SGCD: variants seen among roughly 807,000 people sequenced by gnomAD.
SGCD encodes delta-sarcoglycan.
In SGCD, 18 loss-of-function variants were observed where a neutral mutation model predicts 36.6. That is an observed-to-expected ratio of 0.49 (90% CI 0.34 to 0.73). The LOEUF is 0.73. Among genes scored for constraint, SGCD ranks in the 30% least tolerant of loss-of-function variants. SGCD has a pLI of 0.01. For missense variants in SGCD, 387 were observed against 346.7 expected (o/e 1.12, Z -0.92); for synonymous variants, 133 against 130.6 (o/e 1.02, Z -0.12).
intron 3 of SGCD, among the ~76,000 whole-genome samples, chr5:156,423,429 A>ATATAATATATTTATTTTATTAT (rs1561686121): frequency 3.2e-5 from 3 of 92,336 alleles, no homozygotes; most frequent in South Asian, 6.0e-4. Flanking sequence ...TATTTTAATA[A>ATATAATATATTTATTTTATTAT]AATATAATAT....
At chr5:156,653,838 C>T (rs1000991477) in intron 7 of SGCD, among the ~76,000 whole-genome samples, 1 of 152,078 alleles carries the variant, frequency 6.6e-6, no homozygotes, top group Admixed American at 6.6e-5. Flanking sequence ...CACATTCACA[C>T]TGCTATGTCT....
chr5:155,987,851 C>T (rs181759117), intron 1 of SGCD, among the ~76,000 whole-genome samples: 8 of 152,142 alleles, frequency 5.3e-5, no homozygotes, highest in Non-Finnish European at 8.8e-5. Context: ...CACACTACAC[C>T]CTTCCCTCAT....
At chr5:156,614,250 T>C (rs1761942875) in intron 6 of SGCD, among the ~76,000 whole-genome samples, 1 of 152,184 alleles carries the variant, frequency 6.6e-6, no homozygotes, top group South Asian at 2.1e-4. Context: ...CAGCCAGGCT[T>C]ATTACTTTCA....
At chr5:155,760,019 A>G in the SGCD span, among the ~76,000 whole-genome samples, 1 of 29,152 alleles carries the variant, frequency 3.4e-5, no homozygotes, top group South Asian at 1.9e-3. Context: ...TATCCTCACC[A>G]TCATCATAAT....
At chr5:156,083,596 A>ATT (rs60479128) in intron 1 of SGCD, among the ~76,000 whole-genome samples, 1 of 135,322 alleles carries the variant, frequency 7.4e-6, no homozygotes, top group African/African-American at 2.6e-5. Context: ...CACCCGGCCC[A>ATT]TTTTTTTTTT....
At chr5:156,609,675 G>A (rs1247680648) in intron 6 of SGCD, among the ~76,000 whole-genome samples, 3 of 152,146 alleles carry the variant, frequency 2.0e-5, no homozygotes, top group Non-Finnish European at 4.4e-5. Context: ...GTCACTTTCA[G>A]GTACACCAAT....
At chr5:155,918,432 G>A (rs1021895330) in intron 1 of SGCD, among the ~76,000 whole-genome samples, 3 of 152,090 alleles carry the variant, frequency 2.0e-5, no homozygotes, top group Non-Finnish European at 4.4e-5. Flanking sequence ...CCATGGTGCT[G>A]GGCATCTGTA....
chr5:155,922,399 A>C (rs1408117363), intron 1 of SGCD, among the ~76,000 whole-genome samples: 1 of 152,184 alleles, frequency 6.6e-6, no homozygotes, highest in Non-Finnish European at 1.5e-5. Context: ...TATTCCTCAC[A>C]CTTGAGTTTC....
chr5:155,890,638 T>A lies in SGCD; in HGVS notation c.-282+20214T>A, dbSNP rs200025443. 1.4e-3 allele frequency among the ~76,000 whole-genome samples: 202 copies of A among 143,546 alleles called. 2 individuals carry two copies. The highest frequency in any genetic ancestry group is 0.01 in the East Asian group (49 of 4,830). 94.2% of individuals were successfully genotyped at this position (143,546 alleles called of 152,430 possible). ...ATAGGTAGGTAAGTAGATAGACAGA[T>A]GATAGATAGATAGATAGATAGATAG... is the stretch of plus-strand genomic sequence containing the variant. On this transcript the variant is annotated intron_variant, in intron 1 of 9. Transcript: ENST00000517913.
the SGCD span, among the ~76,000 whole-genome samples, chr5:155,786,649 C>T: frequency 1.4e-4 from 21 of 152,252 alleles, no homozygotes; most frequent in Middle Eastern, 3.4e-3. Flanking sequence ...GGACCACCAT[C>T]GCTTCTCTTA....
intron 1 of SGCD, among the ~76,000 whole-genome samples, chr5:156,002,148 G>C (rs934215928): frequency 6.6e-6 from 1 of 152,124 alleles, no homozygotes; most frequent in Non-Finnish European, 1.5e-5. Context: ...CTTTAAAGAG[G>C]TAATTTAGTT....
intron 4 of SGCD, among the ~76,000 whole-genome samples, chr5:156,546,547 T>A (rs1312158657): frequency 6.6e-6 from 1 of 152,152 alleles, no homozygotes; most frequent in East Asian, 1.9e-4. Flanking sequence ...GAAATTGTAG[T>A]GCTGGATAAC....
the SGCD span, among the ~76,000 whole-genome samples, chr5:155,808,507 T>C: frequency 1.3e-5 from 2 of 152,220 alleles, no homozygotes; most frequent in Non-Finnish European, 2.9e-5. Flanking sequence ...GGATACATAG[T>C]AACTTCTCTG....
intron 1 of SGCD, among the ~76,000 whole-genome samples, chr5:155,934,786 T>C (rs1363327087): frequency 6.6e-6 from 1 of 152,176 alleles, no homozygotes; most frequent in African/African-American, 2.4e-5. Flanking sequence ...TTCCCCAAAT[T>C]TTTAGAATGG....
chr5:155,734,117 A>G, the SGCD span, among the ~76,000 whole-genome samples: 167 of 146,942 alleles, frequency 1.1e-3, 2 homozygotes, highest in Admixed American at 0.011. Flanking sequence ...ATATTAATTA[A>G]TATTGTTACT....
chr5:156,080,113 AG>A (rs1322018624), intron 1 of SGCD, among the ~76,000 whole-genome samples: 1 of 152,210 alleles, frequency 6.6e-6, no homozygotes, highest in Non-Finnish European at 1.5e-5. Context: ...GGAGCCACCA[AG>A]GCTTACAGCT....
At chr5:156,129,537 A>G (rs1762259492) in intron 3 of SGCD, among the ~76,000 whole-genome samples, 1 of 152,198 alleles carries the variant, frequency 6.6e-6, no homozygotes, top group South Asian at 2.1e-4. Flanking sequence ...TTTGTTATGT[A>G]GGTAAACTAG....
At chr5:156,696,115 G>T (rs1286958739) in intron 7 of SGCD, among the ~76,000 whole-genome samples, 1 of 152,178 alleles carries the variant, frequency 6.6e-6, no homozygotes, top group African/African-American at 2.4e-5. Flanking sequence ...TTCATGTGGG[G>T]TCAGGAGATT....
chr5:155,937,580 T>C (rs1273549257), intron 1 of SGCD, among the ~76,000 whole-genome samples: 3 of 152,006 alleles, frequency 2.0e-5, no homozygotes, highest in Non-Finnish European at 4.4e-5. Context: ...CCAGAGTACT[T>C]GAGATAATAT....
Sources: allele counts gnomAD v4.1 joint callset (sites outside exome capture counted in the v4.1 genomes callset), GRCh38; gene constraint gnomAD v4.1.1; transcripts MANE v1.5; gene names NCBI Gene and HGNC (gene_info 2026-07-23, HGNC 2026-07-21).